The following LARGE1 variants were observed in gnomAD, a reference collection of about 807,000 sequenced individuals.
LARGE1 encodes the protein xylosyl- and glucuronyltransferase LARGE1.
A neutral mutation model predicts 87.6 loss-of-function variants in LARGE1; 43 were observed. The observed-to-expected ratio is 0.49, with a 90% CI of 0.38 to 0.63. The LOEUF is 0.63. Among genes scored for constraint, LARGE1 ranks in the 30% least tolerant of loss-of-function variants. The pLI is 0.00. For synonymous variants in LARGE1, 434 were observed against 394.6 expected (o/e 1.10, Z -1.18); for missense variants, 802 against 1,000.2 (o/e 0.80, Z 2.67).
At chr22:33,444,174 C>T (rs16992342) in intron 6 of LARGE1, among the ~76,000 whole-genome samples, 6,264 of 152,292 alleles carry the variant, frequency 0.041, 151 homozygotes, top group South Asian at 0.068. Flanking sequence ...TTAACTGTGC[C>T]ACCTGGGTCA....
the LARGE1 span, among the ~76,000 whole-genome samples, chr22:33,135,703 G>A: frequency 4.6e-4 from 70 of 152,122 alleles, no homozygotes; most frequent in African/African-American, 1.5e-3. Context: ...AGCCGGGCAC[G>A]GTGGCACATG....
chr22:33,623,337 TC>T (rs1456248704), intron 4 of LARGE1, among the ~76,000 whole-genome samples: 3 of 152,156 alleles, frequency 2.0e-5, no homozygotes, highest in Admixed American at 1.3e-4. Context: ...GGAAAGGGCA[TC>T]TCACCTCAGG....
chr22:33,356,726 T>C (rs901255156), intron 9 of LARGE1, among the ~76,000 whole-genome samples: 1 of 151,930 alleles, frequency 6.6e-6, no homozygotes, highest in Non-Finnish European at 1.5e-5. Context: ...GCGGGGATCA[T>C]GCCATTGCAC....
At chr22:33,795,095 A>C (rs1171681969) in intron 1 of LARGE1, among the ~76,000 whole-genome samples, 4 of 152,204 alleles carry the variant, frequency 2.6e-5, no homozygotes, top group Non-Finnish European at 5.9e-5. Context: ...TAAGAGAACT[A>C]GTCTTTAAAG....
chr22:33,770,094 G>A (rs7292121), intron 1 of LARGE1, among the ~76,000 whole-genome samples: 53,882 of 152,054 alleles, frequency 0.35, 9,799 homozygotes, highest in Admixed American at 0.47. Flanking sequence ...GTACTTTAAA[G>A]TGCAAGTTAT....
intron 5 of LARGE1, among the ~76,000 whole-genome samples, chr22:33,585,066 G>A (rs536392630): frequency 1.3e-5 from 2 of 152,236 alleles, no homozygotes; most frequent in East Asian, 1.9e-4. Context: ...GCAGTGAGCC[G>A]AGATCGCACC....
At chr22:33,472,346 G>C (rs373540793) in intron 6 of LARGE1, among the ~76,000 whole-genome samples, 21 of 152,176 alleles carry the variant, frequency 1.4e-4, no homozygotes, top group African/African-American at 4.8e-4. Context: ...TGCAGAGGGA[G>C]AGGAGATAAA....
At chr22:33,535,904 A>G (rs890448632) in intron 6 of LARGE1, among the ~76,000 whole-genome samples, 31 of 152,038 alleles carry the variant, frequency 2.0e-4, no homozygotes, top group African/African-American at 7.2e-4. Context: ...GTCCTTGTGA[A>G]CTACGCCTTC....
chr22:33,310,524 C>A (rs1327638781), intron 11 of LARGE1, among the ~76,000 whole-genome samples: 1 of 152,054 alleles, frequency 6.6e-6, no homozygotes, highest in African/African-American at 2.4e-5. Flanking sequence ...TCTTTCTGAA[C>A]GGAATTCCAG....
At chr22:33,681,767 T>C (rs969302623) in intron 2 of LARGE1, among the ~76,000 whole-genome samples, 1 of 152,244 alleles carries the variant, frequency 6.6e-6, no homozygotes, top group African/African-American at 2.4e-5. Flanking sequence ...TGTTTGCTAA[T>C]TTGCAATTCT....
In LARGE1 at chr22:33,512,254, GT is replaced by G. The variant is rs777048695; in HGVS notation, c.787+52593del. Among the ~76,000 whole-genome samples, 114 of 152,212 alleles carry G rather than the reference GT, an allele frequency of 7.5e-4. 3 individuals are homozygous for G. The highest frequency in any genetic ancestry group is 4.9e-4 in the Non-Finnish European group (33 of 68,002). ...AAATGAATCTGAAATAGGGAATGTT[GT>G]ATGCCAAAGAAATTCAACAGTCTTT... is the stretch of plus-strand genomic sequence containing the variant. On this transcript the variant is annotated intron_variant, in intron 6 of 14. Coordinates refer to ENST00000397394, the MANE Select transcript of LARGE1 (RefSeq NM_133642.5).
chr22:33,663,664 T>G (rs16992756), intron 2 of LARGE1, among the ~76,000 whole-genome samples: 2,857 of 152,236 alleles, frequency 0.019, 73 homozygotes, highest in African/African-American at 0.057. Flanking sequence ...GCCAAGAGGA[T>G]ATCCTGGTTC....
At chr22:33,658,096 A>G (rs1257853609) in intron 2 of LARGE1, among the ~76,000 whole-genome samples, 1 of 152,082 alleles carries the variant, frequency 6.6e-6, no homozygotes, top group African/African-American at 2.4e-5. Flanking sequence ...CCTCCGAACA[A>G]GTCCAGCCTA....
intron 2 of LARGE1, among the ~76,000 whole-genome samples, chr22:33,663,477 C>T (rs148605262): frequency 2.6e-5 from 4 of 152,080 alleles, no homozygotes; most frequent in African/African-American, 4.8e-5. Flanking sequence ...AGGAATGATG[C>T]GCTTGAGTGC....
rs529764476 is a variant in LARGE1 at position 33,286,666 on chromosome 22, T to C, written c.1731-3318A>G. Among the ~76,000 whole-genome samples, 8 of 151,850 alleles carry C rather than the reference T, an allele frequency of 5.3e-5. No homozygotes were observed. In the South Asian group the frequency reaches 1.5e-3, roughly 28 times the overall value. On this transcript the variant is annotated intron_variant, in intron 12 of 14. Transcript: ENST00000397394. Reference sequence around the variant, plus strand: ...CTGATTATTTTAGAATACAATGCTATAGAAACAGAATAGAAGGCTGCGAGG... The same window carrying C: ...CTGATTATTTTAGAATACAATGCTACAGAAACAGAATAGAAGGCTGCGAGG...
the LARGE1 span, among the ~76,000 whole-genome samples, chr22:33,114,097 C>T: frequency 4.7e-5 from 7 of 150,242 alleles, no homozygotes; most frequent in Non-Finnish European, 8.9e-5. Context: ...AGGCTGGTCT[C>T]AAACTCCTGA....
chr22:33,792,667 T>C (rs2085860283), intron 1 of LARGE1, among the ~76,000 whole-genome samples: 1 of 151,962 alleles, frequency 6.6e-6, no homozygotes, highest in South Asian at 2.1e-4. Context: ...TCAAGTCACA[T>C]ATTCAAAACA....
intron 11 of LARGE1, among the ~76,000 whole-genome samples, chr22:33,252,968 G>T (rs1166157918): frequency 6.6e-6 from 1 of 152,200 alleles, no homozygotes; most frequent in Admixed American, 6.5e-5. Context: ...CAGCAATTTG[G>T]AGCTGAGACT....
intron 6 of LARGE1, among the ~76,000 whole-genome samples, chr22:33,498,136 C>T (rs1305248056): frequency 1.3e-5 from 2 of 152,042 alleles, no homozygotes; most frequent in African/African-American, 2.4e-5. Flanking sequence ...CCATCCACCT[C>T]GGCCTCCCAA....
Sources: gnomAD v4.1 joint callset for allele counts (sites outside exome capture counted in the v4.1 genomes callset) on GRCh38, gnomAD v4.1.1 for gene constraint, MANE v1.5 for transcripts, NCBI Gene and HGNC (gene_info 2026-07-23, HGNC 2026-07-21) for gene names.